Variants in TMPRSS7 observed in about 807,000 individuals in gnomAD.
TMPRSS7 encodes the protein transmembrane serine protease 7, also known as transmembrane protease serine 7.
In TMPRSS7, 81 loss-of-function variants were observed where a neutral mutation model predicts 95.6. The ratio of observed to expected loss-of-function variants is 0.85; its 90% CI spans 0.71 to 1.02. TMPRSS7 has a LOEUF of 1.02. TMPRSS7 is among the 50% of genes least tolerant of loss of function. TMPRSS7 has a pLI of 0.00. For synonymous variants in TMPRSS7, 364 were observed against 337.8 expected (o/e 1.08, Z -0.85); for missense variants, 945 against 955.2 (o/e 0.99, Z 0.14).
At chr3:112,081,047 T>G (rs202171485) in exon 18 of TMPRSS7, 2 of 1,610,686 alleles carry the variant, frequency 1.2e-6, no homozygotes, top group African/African-American at 2.7e-5. Flanking sequence ...TCAAACTTTG[T>G]TCCCTGGATT....
At chr3:112,043,223 G>A (rs1411637880) in intron 3 of TMPRSS7, among the ~76,000 whole-genome samples, 1 of 152,110 alleles carries the variant, frequency 6.6e-6, no homozygotes, top group African/African-American at 2.4e-5. Context: ...CTGCTCCTAA[G>A]CCACAAACCT....
At chr3:112,067,436 A>G in intron 13 of TMPRSS7, among the ~76,000 whole-genome samples, 1 of 152,094 alleles carries the variant, frequency 6.6e-6, no homozygotes, top group East Asian at 1.9e-4. Flanking sequence ...AGTAGTTTAC[A>G]CTCCCACCAA....
exon 1 of TMPRSS7, chr3:112,034,876 G>A (rs898351975): frequency 1.1e-5 from 8 of 702,720 alleles, no homozygotes; most frequent in East Asian, 8.0e-5. Context: ...TGTTTCAGCC[G>A]CACCTGCTGA....
At position 112,044,581 on chromosome 3, in the gene TMPRSS7, C is replaced by A. The variant is rs1559953100; in HGVS notation, c.497+259C>A. 2.6e-5 allele frequency among the ~76,000 whole-genome samples: 4 copies of A among 152,226 alleles called. No homozygotes were observed. In the East Asian group the frequency reaches 7.7e-4, roughly 29 times the overall value. On this transcript the variant is annotated intron_variant, in intron 4 of 17. Transcript: ENST00000452346. ...ATAGCAGTGCTGCTGTGCAAAATGG[C>A]CATAAACTTGTCTATCATATTGGGT...
chr3:112,067,180 T>G (rs1192446919), intron 13 of TMPRSS7, among the ~76,000 whole-genome samples: 1 of 152,226 alleles, frequency 6.6e-6, no homozygotes, highest in Non-Finnish European at 1.5e-5. Flanking sequence ...TATGGCTGCA[T>G]AGTATTCTCT....
At chr3:112,073,756 A>G (rs978472100) in intron 13 of TMPRSS7, among the ~76,000 whole-genome samples, 1 of 152,192 alleles carries the variant, frequency 6.6e-6, no homozygotes, top group Non-Finnish European at 1.5e-5. Flanking sequence ...CTTGCTTTTA[A>G]TGATGCTCAG....
chr3:112,045,810 C>G (rs1559953552), exon 5 of TMPRSS7: 1 of 1,551,664 alleles, frequency 6.4e-7, no homozygotes, highest in Non-Finnish European at 8.7e-7. Flanking sequence ...TGCCACGTGC[C>G]AAAGGCCACA....
At chr3:112,037,441 C>T (rs2073157533) in intron 1 of TMPRSS7, among the ~76,000 whole-genome samples, 1 of 152,176 alleles carries the variant, frequency 6.6e-6, no homozygotes, top group African/African-American at 2.4e-5. Flanking sequence ...GTTCTCTGCT[C>T]TTGAACCCTG....
At chr3:112,079,789 C>T (rs1253464829) in intron 17 of TMPRSS7, among the ~76,000 whole-genome samples, 1 of 152,192 alleles carries the variant, frequency 6.6e-6, no homozygotes, top group African/African-American at 2.4e-5. Context: ...AGGTTCTTTA[C>T]ATAAATTCAT....
chr3:112,077,955 G>C (rs1253330106), intron 16 of TMPRSS7, among the ~76,000 whole-genome samples: 1 of 152,132 alleles, frequency 6.6e-6, no homozygotes, highest in Non-Finnish European at 1.5e-5. Flanking sequence ...CAAGGGTTTA[G>C]GACACGTACA....
At chr3:112,039,174 C>A (rs2073181129) in intron 2 of TMPRSS7, among the ~76,000 whole-genome samples, 2 of 152,212 alleles carry the variant, frequency 1.3e-5, no homozygotes, top group Admixed American at 1.3e-4. Flanking sequence ...TTATGCAACA[C>A]TGCAAGTATA....
intron 9 of TMPRSS7, among the ~76,000 whole-genome samples, chr3:112,055,538 T>A (rs1371952129): frequency 6.6e-6 from 1 of 151,760 alleles, no homozygotes; most frequent in African/African-American, 2.4e-5. Flanking sequence ...ATACAAGTAA[T>A]GGGTAAAATT....
At chr3:112,066,734 AGT>A (rs369038476) in intron 13 of TMPRSS7, among the ~76,000 whole-genome samples, 23 of 150,926 alleles carry the variant, frequency 1.5e-4, no homozygotes, top group East Asian at 5.9e-4. Context: ...TATGTGTGTG[AGT>A]GTGTGTGTGT....
intron 10 of TMPRSS7, among the ~76,000 whole-genome samples, chr3:112,058,985 T>C (rs1293468299): frequency 6.6e-6 from 1 of 152,230 alleles, no homozygotes; most frequent in Non-Finnish European, 1.5e-5. Flanking sequence ...AAAGCTCTAA[T>C]TGTGCTAACT....
chr3:112,054,865 G>T (rs759571815), intron 9 of TMPRSS7, among the ~76,000 whole-genome samples: 6 of 146,886 alleles, frequency 4.1e-5, no homozygotes, highest in African/African-American at 1.5e-4. Flanking sequence ...TCAGCCTCCC[G>T]AGTAGGTGGG....
chr3:112,077,225 G>T, intron 16 of TMPRSS7, 81 bp downstream of exon 16: 1 of 1,495,052 alleles, frequency 6.7e-7, no homozygotes, highest in Non-Finnish European at 9.1e-7. Flanking sequence ...GGTTCACAGA[G>T]AGGGTTTGTG....
exon 18 of TMPRSS7, chr3:112,080,980 G>A: frequency 1.2e-6 from 2 of 1,613,938 alleles, no homozygotes; most frequent in Non-Finnish European, 1.7e-6. Context: ...GACTGGCATT[G>A]TTAGCTGGGG....
At chr3:112,069,911 T>C (rs2073621656) in intron 13 of TMPRSS7, among the ~76,000 whole-genome samples, 1 of 152,192 alleles carries the variant, frequency 6.6e-6, no homozygotes, top group African/African-American at 2.4e-5. Flanking sequence ...TTCTTTTAAT[T>C]GTGATGTTAT....
exon 12 of TMPRSS7, chr3:112,063,609 A>G: frequency 6.2e-7 from 1 of 1,614,020 alleles, no homozygotes; most frequent in Non-Finnish European, 8.5e-7. Context: ...GACTGCTTTG[A>G]TGAAAGTGAT....
Sources: allele counts gnomAD v4.1 joint callset (sites outside exome capture counted in the v4.1 genomes callset), GRCh38; gene constraint gnomAD v4.1.1; transcripts MANE v1.5; gene names NCBI Gene and HGNC (gene_info 2026-07-23, HGNC 2026-07-21).